The following TTLL11 variants were observed in gnomAD, a reference collection of about 807,000 sequenced individuals.
The protein encoded by TTLL11 is tubulin tyrosine ligase like 11.
In TTLL11, 42 loss-of-function variants were observed where a neutral mutation model predicts 51.7. The observed-to-expected ratio is 0.81, with a 90% CI of 0.64 to 1.05. TTLL11 has a LOEUF of 1.05. TTLL11 is among the 50% of genes least tolerant of loss of function. The pLI is 0.00. For missense variants in TTLL11, 799 were observed against 940.4 expected, an observed-to-expected ratio of 0.85 and a Z score of 1.97; for synonymous variants, 381 against 383.5, an observed-to-expected ratio of 0.99 and a Z score of 0.08.
At chr9:122,047,083 G>T in intron 1 of TTLL11, among the ~76,000 whole-genome samples, 1 of 152,132 alleles carries the variant, frequency 6.6e-6, no homozygotes, top group East Asian at 1.9e-4. Context: ...AGAGCAACGA[G>T]GGCACAGGAA....
chr9:121,858,297 A>G (rs901753416), intron 8 of TTLL11, among the ~76,000 whole-genome samples: 1 of 152,040 alleles, frequency 6.6e-6, no homozygotes, highest in African/African-American at 2.4e-5. Context: ...TCACTCTAGG[A>G]CCAGTGAGTA....
rs80002423 is a variant in TTLL11 at position 121,846,055 on chromosome 9, C to A, written c.1840+14282G>T. On this transcript the variant is annotated intron_variant, in intron 8 of 8. Coordinates refer to ENST00000321582, the MANE Select transcript of TTLL11 (RefSeq NM_001139442.2). ...AAACACACTTTAAATGTAAAAACAA[C>A]AAAAAAAAGATAGATAAAAAAGCAA... Among the ~76,000 whole-genome samples, 712 of 112,392 alleles carry A rather than the reference C, an allele frequency of 6.3e-3. 46 individuals carry two copies. The East Asian group carries it at 0.16, about 25-fold the overall frequency. The allele number at this position is 112,392 out of a possible 152,430, so 73.7% of individuals were successfully genotyped here. A position where few individuals can be genotyped will look rare whatever the true frequency, so the allele number is the denominator to read the frequency against.
intron 1 of TTLL11, chr9:122,040,367 T>C (rs948650543): frequency 1.0e-6 from 1 of 985,164 alleles, no homozygotes; most frequent in Non-Finnish European, 1.2e-6. Context: ...GCCAGAAAAT[T>C]TCTCACCGAG....
At chr9:121,828,453 G>C (rs1836893603) in intron 8 of TTLL11, among the ~76,000 whole-genome samples, 1 of 152,094 alleles carries the variant, frequency 6.6e-6, no homozygotes, top group African/African-American at 2.4e-5. Context: ...GGTATTACAG[G>C]CATGAGCCAC....
At chr9:121,974,170 G>A (rs572301319) in intron 5 of TTLL11, 46 bp from the exon 6 acceptor site, 84 of 1,431,556 alleles carry the variant, frequency 5.9e-5, no homozygotes, top group South Asian at 4.7e-4. Flanking sequence ...CCGTGATTCC[G>A]TGCCAAGTGG....
chr9:122,069,618 C>T (rs1045182756), intron 1 of TTLL11, among the ~76,000 whole-genome samples: 16 of 152,028 alleles, frequency 1.1e-4, no homozygotes, highest in Admixed American at 3.3e-4. Context: ...GGAGGTGGAG[C>T]TTGCAGTGAG....
chr9:121,850,152 A>T (rs1837626351), intron 8 of TTLL11, among the ~76,000 whole-genome samples: 1 of 78,186 alleles, frequency 1.3e-5, no homozygotes, highest in African/African-American at 9.9e-5. Context: ...GACTCACTGC[A>T]TATATATATA....
chr9:121,860,533 TC>T lies in TTLL11; in HGVS notation c.1734-91del, dbSNP rs1415030767. On this transcript the variant is annotated intron_variant, in intron 7 of 8. Transcript: ENST00000321582. ...ACTCCTGTTAGGGACTGAATGTTTG[TC>T]CTCCCCAAATCCATAGGTTGAAATC... 3.8e-6 allele frequency: 4 copies of T among 1,055,732 alleles called. No homozygotes were observed. In the East Asian group the frequency reaches 1.0e-4, roughly 28 times the overall value. 65.4% of individuals were successfully genotyped at this position (1,055,732 alleles called of 1,614,324 possible). A position where few individuals can be genotyped will look rare whatever the true frequency, so the allele number is the denominator to read the frequency against.
intron 3 of TTLL11, among the ~76,000 whole-genome samples, chr9:122,012,265 C>T (rs1843816355): frequency 6.6e-6 from 1 of 152,154 alleles, no homozygotes; most frequent in Non-Finnish European, 1.5e-5. Context: ...ACTCAGGCTA[C>T]ATCACTAAGA....
intron 1 of TTLL11, among the ~76,000 whole-genome samples, chr9:122,074,768 G>A (rs555297328): frequency 4.0e-4 from 61 of 151,828 alleles, no homozygotes; most frequent in African/African-American, 1.3e-3. Context: ...GAGTGGGTTG[G>A]CATGAGCCTA....
At chr9:121,868,664 G>A (rs905041044) in intron 7 of TTLL11, among the ~76,000 whole-genome samples, 1 of 152,158 alleles carries the variant, frequency 6.6e-6, no homozygotes, top group Non-Finnish European at 1.5e-5. Context: ...AGTCATTAAT[G>A]AGCTCTAGAA....
intron 1 of TTLL11, among the ~76,000 whole-genome samples, chr9:122,048,605 C>T (rs1845079567): frequency 2.0e-5 from 3 of 152,234 alleles, no homozygotes; most frequent in South Asian, 2.1e-4. Context: ...CTCCCCTCTG[C>T]CAACCTGCCC....
rs1431662840 is a variant in TTLL11 at position 121,989,008 on chromosome 9, A to C, written c.1269+187T>G. The C allele has an allele frequency of 3.5e-6, 5 of 1,443,620 alleles. No individual in the cohort carries two copies. Among genetic ancestry groups the C allele is most frequent in the East Asian group, 2.3e-5 (1 of 43,154 alleles). The allele number at this position is 1,443,620 out of a possible 1,614,324, so 89.4% of individuals were successfully genotyped here. A position where few individuals can be genotyped will look rare whatever the true frequency, so the allele number is the denominator to read the frequency against. ...AACAGAGGGGAAGTAGCTTGCCCCA[A>C]ATCACACAGGGAGCAAACAGAAAGC... On this transcript the variant is annotated intron_variant, in intron 4 of 8. Transcript: ENST00000321582. The surrounding 1 kb of genome is among the most constrained non-coding windows in gnomAD (Gnocchi z 4.2).
At chr9:121,953,804 C>T (rs949835175) in intron 6 of TTLL11, among the ~76,000 whole-genome samples, 7 of 152,244 alleles carry the variant, frequency 4.6e-5, no homozygotes, top group Admixed American at 3.9e-4. Flanking sequence ...AAAAAGCTCA[C>T]AATCGAAGCA....
intron 6 of TTLL11, among the ~76,000 whole-genome samples, chr9:121,956,674 C>T (rs1564325527): frequency 6.6e-6 from 1 of 150,862 alleles, no homozygotes. Context: ...CCGGGACAGA[C>T]ACAAGGCCGG....
intron 3 of TTLL11, among the ~76,000 whole-genome samples, chr9:122,016,574 G>C (rs981255268): frequency 6.6e-6 from 1 of 152,136 alleles, no homozygotes; most frequent in Non-Finnish European, 1.5e-5. Context: ...ACATTTTCCT[G>C]GTTCCTAAAC....
intron 2 of TTLL11, among the ~76,000 whole-genome samples, chr9:122,033,198 C>T (rs866529526): frequency 2.0e-5 from 3 of 152,212 alleles, no homozygotes; most frequent in South Asian, 2.1e-4. Context: ...CTGCAACCGC[C>T]GCCTCCTAGG....
At chr9:121,985,513 CTTTTTTTTTTTTT>C (rs71371908) in intron 4 of TTLL11, among the ~76,000 whole-genome samples, 21 of 97,276 alleles carry the variant, frequency 2.2e-4, no homozygotes, top group Admixed American at 6.7e-4. Context: ...ATTTTCTTTT[CTTTTTTTTTTTTT>C]TTTTTTTTGA....
At chr9:121,839,683 G>C (rs7039630) in intron 8 of TTLL11, among the ~76,000 whole-genome samples, 3 of 152,096 alleles carry the variant, frequency 2.0e-5, no homozygotes, top group Non-Finnish European at 4.4e-5. Flanking sequence ...ATTGGAAGAC[G>C]GGCAAATTGG....
Sources: allele counts gnomAD v4.1 joint callset (sites outside exome capture counted in the v4.1 genomes callset), GRCh38; gene constraint gnomAD v4.1.1; non-coding constraint Gnocchi (gnomAD v3.1); transcripts MANE v1.5; gene names NCBI Gene and HGNC (gene_info 2026-07-23, HGNC 2026-07-21).